Variants in ADGRL3 observed in about 807,000 individuals in gnomAD.
The protein encoded by ADGRL3 is adhesion G protein-coupled receptor L3, also known as calcium-independent alpha-latrotoxin receptor 3.
ADGRL3 carries 62 observed loss-of-function variants against 153.5 expected under a neutral mutation model. The observed-to-expected ratio is 0.40, with a 90% CI of 0.33 to 0.50. The LOEUF is 0.50. Ranked by LOEUF, ADGRL3 falls within the 20% of genes least tolerant of loss-of-function variation. ADGRL3 has a pLI of 0.47. For missense variants in ADGRL3, 1,641 were observed against 1,859.4 expected (o/e 0.88, Z 2.16); for synonymous variants, 710 against 672.5 (o/e 1.06, Z -0.86).
intron 17 of ADGRL3, among the ~76,000 whole-genome samples, chr4:61,950,508 A>C: frequency 6.6e-6 from 1 of 151,892 alleles, no homozygotes; most frequent in East Asian, 1.9e-4. Flanking sequence ...AGAGTTTAGA[A>C]TTAATACACA....
At chr4:61,693,741 C>T (rs1235174891) in intron 6 of ADGRL3, among the ~76,000 whole-genome samples, 1 of 152,026 alleles carries the variant, frequency 6.6e-6, no homozygotes, top group Non-Finnish European at 1.5e-5. Context: ...TTAAATTTTC[C>T]AATATTTGGC....
At chr4:61,680,672 C>A (rs1218356117) in intron 6 of ADGRL3, among the ~76,000 whole-genome samples, 1 of 151,846 alleles carries the variant, frequency 6.6e-6, no homozygotes, top group African/African-American at 2.4e-5. Flanking sequence ...TGAACAATGA[C>A]AACTTTAGAG....
chr4:61,825,201 A>G (rs1345085026), intron 9 of ADGRL3, among the ~76,000 whole-genome samples: 1 of 152,196 alleles, frequency 6.6e-6, no homozygotes, highest in African/African-American at 2.4e-5. Flanking sequence ...TAGCATGAAT[A>G]CCAATGCCTG....
chr4:61,874,895 G>A (rs1173697341), intron 9 of ADGRL3, among the ~76,000 whole-genome samples: 1 of 130,382 alleles, frequency 7.7e-6, no homozygotes. Flanking sequence ...TGCAAGCTCC[G>A]CTTCCCGGGT....
chr4:61,452,786 G>A (rs975714495), intron 2 of ADGRL3, among the ~76,000 whole-genome samples: 7 of 152,058 alleles, frequency 4.6e-5, no homozygotes, highest in African/African-American at 9.7e-5. Context: ...TTAGATAACA[G>A]AATAGCCAAG....
At chr4:61,392,780 G>T (rs1289113936) in intron 2 of ADGRL3, among the ~76,000 whole-genome samples, 1 of 148,766 alleles carries the variant, frequency 6.7e-6, no homozygotes, top group Admixed American at 6.8e-5. Context: ...AACAAATTTG[G>T]TCATCTAGTA....
At chr4:62,055,855 T>A (rs1736729253) in intron 25 of ADGRL3, among the ~76,000 whole-genome samples, 1 of 151,730 alleles carries the variant, frequency 6.6e-6, no homozygotes, top group South Asian at 2.1e-4. Flanking sequence ...CAATGCCTAT[T>A]GAATCTGTTC....
rs542998272 is a variant in ADGRL3, at chr4:61,422,869, A to G, written c.-174+39680A>G. Among the ~76,000 whole-genome samples the G allele has an allele frequency of 3.3e-5, 5 of 152,092 alleles. No homozygotes were observed. The East Asian group carries it at 9.6e-4, about 29-fold the overall frequency. On this transcript the variant is annotated intron_variant, in intron 2 of 26. Coordinates refer to ENST00000683033, the MANE Select transcript of ADGRL3 (RefSeq NM_001387552.1). ...TATGATTAAGAATATGTATGTGTACATATAAATGGTGGGTTGCTATCTTGG... is the reference window on the plus strand; with the variant it reads ...TATGATTAAGAATATGTATGTGTACGTATAAATGGTGGGTTGCTATCTTGG...
At chr4:61,214,250 C>G (rs1032266328) in intron 1 of ADGRL3, among the ~76,000 whole-genome samples, 10 of 152,122 alleles carry the variant, frequency 6.6e-5, no homozygotes, top group Non-Finnish European at 1.5e-4. Flanking sequence ...TAACATATTA[C>G]TAAAACAAAA....
chr4:61,314,410 C>T (rs1165297137), intron 1 of ADGRL3, among the ~76,000 whole-genome samples: 1 of 151,964 alleles, frequency 6.6e-6, no homozygotes, highest in Non-Finnish European at 1.5e-5. Flanking sequence ...GGTTTCTCCA[C>T]GTTGTTCAGG....
chr4:61,451,775 GT>G (rs1166279423), intron 2 of ADGRL3, among the ~76,000 whole-genome samples: 5 of 152,210 alleles, frequency 3.3e-5, no homozygotes, highest in South Asian at 4.1e-4. Flanking sequence ...TCATAACCTA[GT>G]TTTGATATAT....
Position 61,257,229 on chromosome 4 carries a change from G to T in ADGRL3, c.-240+55464G>T, listed in dbSNP as rs573407771. Among the ~76,000 whole-genome samples, 3 of 152,116 alleles carry T rather than the reference G, an allele frequency of 2.0e-5. No homozygotes were observed. In the South Asian group the frequency reaches 6.2e-4, roughly 32 times the overall value. On this transcript the variant is annotated intron_variant, in intron 1 of 26. Coordinates refer to ENST00000683033, the MANE Select transcript of ADGRL3 (RefSeq NM_001387552.1). ...TCCCAAGTCTATCACTGACACATTT[G>T]CCCTCCTATGAATAATATCACTGTA... is the stretch of plus-strand genomic sequence containing the variant.
intron 8 of ADGRL3, among the ~76,000 whole-genome samples, chr4:61,735,869 T>C (rs1176697712): frequency 6.6e-6 from 1 of 152,118 alleles, no homozygotes; most frequent in Non-Finnish European, 1.5e-5. Flanking sequence ...TATTAAGTTG[T>C]CTTTAACGAA....
chr4:61,225,879 A>G (rs913572238), intron 1 of ADGRL3, among the ~76,000 whole-genome samples: 3 of 152,076 alleles, frequency 2.0e-5, no homozygotes, highest in Non-Finnish European at 4.4e-5. Flanking sequence ...TTCCTGGCCC[A>G]TGGTCAGCAT....
intron 8 of ADGRL3, among the ~76,000 whole-genome samples, chr4:61,755,146 G>C (rs1225880980): frequency 1.3e-5 from 2 of 152,102 alleles, no homozygotes; most frequent in Admixed American, 6.6e-5. Context: ...TAATGGGATG[G>C]CTGGGTCAAA....
chr4:61,737,890 T>C (rs1008643900), intron 8 of ADGRL3, among the ~76,000 whole-genome samples: 6 of 152,042 alleles, frequency 3.9e-5, no homozygotes, highest in Non-Finnish European at 2.9e-5. Context: ...TTTATAAGGG[T>C]CTTTTTTTTT....
intron 9 of ADGRL3, among the ~76,000 whole-genome samples, chr4:61,885,915 C>T (rs981449668): frequency 6.6e-6 from 1 of 152,054 alleles, no homozygotes; most frequent in African/African-American, 2.4e-5. Flanking sequence ...ATGGTAGGGG[C>T]TAAATATGCA....
intron 21 of ADGRL3, among the ~76,000 whole-genome samples, chr4:62,008,494 A>G (rs1405000250): frequency 6.6e-6 from 1 of 152,088 alleles, no homozygotes; most frequent in Non-Finnish European, 1.5e-5. Flanking sequence ...TGACCAGTAG[A>G]TGTTTTCTTT....
chr4:61,616,171 T>A (rs1260856766), intron 5 of ADGRL3, among the ~76,000 whole-genome samples: 1 of 152,138 alleles, frequency 6.6e-6, no homozygotes, highest in Non-Finnish European at 1.5e-5. Flanking sequence ...TTGATAGAAA[T>A]AACTTGATAA....
Sources: gnomAD v4.1 joint callset for allele counts (sites outside exome capture counted in the v4.1 genomes callset) on GRCh38, gnomAD v4.1.1 for gene constraint, MANE v1.5 for transcripts, NCBI Gene and HGNC (gene_info 2026-07-23, HGNC 2026-07-21) for gene names.